Variants in SLC44A3 observed in about 807,000 individuals in gnomAD.
SLC44A3 encodes solute carrier family 44 member 3, also known as choline transporter-like protein 3.
SLC44A3 carries 74 observed loss-of-function variants against 75.4 expected under a neutral mutation model. The observed-to-expected ratio is 0.98, with a 90% CI of 0.81 to 1.19. The LOEUF is 1.19. SLC44A3 is among the 50% of genes most tolerant of loss of function. The probability of loss-of-function intolerance (pLI) is 0.00; values close to 1 mark genes in which losing one functional copy is unlikely to be tolerated. For missense variants in SLC44A3, 700 were observed against 778.6 expected (o/e 0.90, Z 1.20); for synonymous variants, 310 against 296.9 (o/e 1.04, Z -0.45).
chr1:94,827,136 G>A (rs529033682), intron 3 of SLC44A3, among the ~76,000 whole-genome samples: 1 of 152,176 alleles, frequency 6.6e-6, no homozygotes, highest in African/African-American at 2.4e-5. Flanking sequence ...ACACTCTTGG[G>A]TACAAATGTG....
Position 94,841,982 on chromosome 1 carries a change from T to C in SLC44A3, c.761-18T>C, listed in dbSNP as rs777914513. ...TCATGGCGTGTGCCCTGAGCTCTGC[T>C]ACTGTTCTCTTTTCTAGTTGTCTGC... On this transcript the variant is annotated intron_variant, in intron 7 of 14. Transcript: ENST00000271227. 2.4e-5 allele frequency: 38 copies of C among 1,603,324 alleles called. No individual in the cohort carries two copies. The Admixed American group carries it at 6.4e-4, about 27-fold the overall frequency.
At chr1:94,877,230 C>T (rs751763746) in intron 12 of SLC44A3, among the ~76,000 whole-genome samples, 3 of 151,892 alleles carry the variant, frequency 2.0e-5, no homozygotes, top group Non-Finnish European at 2.9e-5. Context: ...TAATGTGGGG[C>T]TGGAGGAAAC....
At chr1:94,880,910 A>AC (rs1668892662) in intron 12 of SLC44A3, among the ~76,000 whole-genome samples, 1 of 150,986 alleles carries the variant, frequency 6.6e-6, no homozygotes, top group South Asian at 2.1e-4. Context: ...TGACAAAAAA[A>AC]AAAAAGGCAA....
chr1:94,838,659 AG>A (rs1266764872), intron 6 of SLC44A3, among the ~76,000 whole-genome samples: 1 of 152,244 alleles, frequency 6.6e-6, no homozygotes, highest in Non-Finnish European at 1.5e-5. Flanking sequence ...CATTACTAAA[AG>A]GTTCCTAATT....
Position 94,834,780 on chromosome 1 carries a change from C to T in SLC44A3, c.510-2931C>T, listed in dbSNP as rs183334043. Among the ~76,000 whole-genome samples, 513 of 152,280 alleles carry T rather than the reference C, an allele frequency of 3.4e-3. 12 individuals carry two copies. The highest frequency in any genetic ancestry group is 0.026 in the Admixed American group (405 of 15,294). The stretch of plus-strand genomic sequence containing the variant: ...GATTACAGGCATGAGCCACTGCTCC[C>T]GGTGAAAGGGATAAATCTTTACTTC... On this transcript the variant is annotated intron_variant, in intron 5 of 14. Coordinates refer to ENST00000271227, the MANE Select transcript of SLC44A3 (RefSeq NM_001114106.3).
At chr1:94,840,741 C>T (rs951627574) in intron 7 of SLC44A3, among the ~76,000 whole-genome samples, 5 of 152,228 alleles carry the variant, frequency 3.3e-5, no homozygotes, top group Non-Finnish European at 7.3e-5. Context: ...CCCATTGGCA[C>T]GTGGGTGCCC....
intron 14 of SLC44A3, among the ~76,000 whole-genome samples, chr1:94,893,498 A>G (rs894067905): frequency 1.3e-5 from 2 of 151,998 alleles, no homozygotes; most frequent in African/African-American, 4.8e-5. Flanking sequence ...CTCCTGCCTC[A>G]GCCTCCCAAG....
chr1:94,890,202 A>G (rs1014033594), intron 12 of SLC44A3, among the ~76,000 whole-genome samples: 1 of 152,052 alleles, frequency 6.6e-6, no homozygotes, highest in Non-Finnish European at 1.5e-5. Flanking sequence ...TTCATTTTTC[A>G]TACTGTTCTG....
chr1:94,876,284 GA>G (rs1487045790), intron 12 of SLC44A3, among the ~76,000 whole-genome samples: 3 of 152,198 alleles, frequency 2.0e-5, no homozygotes, highest in African/African-American at 7.2e-5. Flanking sequence ...ACTTAGTGTG[GA>G]AAATAAAATG....
chr1:94,849,258 G>A lies in SLC44A3; in HGVS notation c.1072+3794G>A, dbSNP rs377194054. On this transcript the variant is annotated intron_variant, in intron 9 of 14. Transcript: ENST00000271227. ...GCGAGAACAGTAGAGGGGCCAGAAAGGAAACTGGGTGCCCCGGACCTATGG... is the reference window on the plus strand; with the variant it reads ...GCGAGAACAGTAGAGGGGCCAGAAAAGAAACTGGGTGCCCCGGACCTATGG... Among the ~76,000 whole-genome samples, 5 of 152,190 alleles carry A rather than the reference G, an allele frequency of 3.3e-5. No individual in the cohort carries two copies. In the East Asian group the frequency reaches 5.8e-4, roughly 18 times the overall value.
chr1:94,860,317 G>A (rs1666426288), intron 10 of SLC44A3, among the ~76,000 whole-genome samples: 2 of 152,154 alleles, frequency 1.3e-5, no homozygotes, highest in Admixed American at 1.3e-4. Context: ...AAAATATAAA[G>A]TGGAAGCACT....
At chr1:94,827,425 T>C (rs1661517569) in intron 3 of SLC44A3, 82 bp from the exon 4 acceptor site, 8 of 1,543,420 alleles carry the variant, frequency 5.2e-6, no homozygotes, top group Non-Finnish European at 5.3e-6. Flanking sequence ...TTTGATAGCA[T>C]GTGGATATTT....
intron 14 of SLC44A3, among the ~76,000 whole-genome samples, chr1:94,894,583 A>G (rs1557901856): frequency 7.2e-6 from 1 of 139,850 alleles, no homozygotes; most frequent in Non-Finnish European, 1.5e-5. Context: ...CCATAAAATC[A>G]TCCACACTTC....
At chr1:94,859,418 G>T (rs200507133) in intron 10 of SLC44A3, among the ~76,000 whole-genome samples, 1 of 141,248 alleles carries the variant, frequency 7.1e-6, no homozygotes, top group Non-Finnish European at 1.6e-5. Flanking sequence ...GAGAGCCAAA[G>T]AGAGGGAGGT....
At chr1:94,828,346 C>T in intron 4 of SLC44A3, 147 bp from the exon 5 acceptor site, 1 of 537,506 alleles carries the variant, frequency 1.9e-6, no homozygotes, top group South Asian at 3.6e-5. Flanking sequence ...CACTAGACCT[C>T]AGATTGTATG....
At chr1:94,829,017 G>T (rs1340488768) in intron 5 of SLC44A3, among the ~76,000 whole-genome samples, 2 of 152,150 alleles carry the variant, frequency 1.3e-5, no homozygotes, top group Admixed American at 6.5e-5. Flanking sequence ...GAGCCAGGCG[G>T]ATCACGAGGT....
At position 94,891,140 on chromosome 1, in the gene SLC44A3, C is replaced by G. The variant is rs534918251; in HGVS notation, c.1493C>G (p.Thr498Ser). The change falls in exon 13 of 15, where the codon ACT becomes AGT. Residue 498 changes from threonine (T) to serine (S), a missense_variant. By Grantham distance (58) the Thr-to-Ser change is moderately conservative. Transcript: ENST00000271227. ...TCTCTTCTGTTTCAGAATGCATATA[C>G]TACAACTGCTATTAATGGGACAGAT... ...YLLHLNQNAY[T>S]TTAINGTDFC... 2 of 1,606,520 alleles carry G rather than the reference C, an allele frequency of 1.2e-6. No homozygotes were observed. Among genetic ancestry groups the G allele is most frequent in the South Asian group, 2.2e-5 (2 of 89,944 alleles).
chr1:94,853,742 A>G (rs951282120), intron 9 of SLC44A3, among the ~76,000 whole-genome samples: 1 of 152,158 alleles, frequency 6.6e-6, no homozygotes. Context: ...GATGGGAAGG[A>G]AGCTCTTGAA....
chr1:94,844,802 T>A (rs1282281411), intron 8 of SLC44A3, among the ~76,000 whole-genome samples: 1 of 152,010 alleles, frequency 6.6e-6, no homozygotes, highest in Admixed American at 6.6e-5. Context: ...GATGGAGGGG[T>A]GCAGAATGGT....
Sources: gnomAD v4.1 joint callset for allele counts (sites outside exome capture counted in the v4.1 genomes callset) on GRCh38, gnomAD v4.1.1 for gene constraint, MANE v1.5 for transcripts, NCBI Gene and HGNC (gene_info 2026-07-23, HGNC 2026-07-21) for gene names.